MGLL: variants seen among roughly 807,000 people sequenced by gnomAD.
MGLL encodes the protein lysophospholipase homolog.
In MGLL, 7 loss-of-function variants were observed where a neutral mutation model predicts 29.1. That is an observed-to-expected ratio of 0.24 (90% CI 0.14 to 0.45). The LOEUF is 0.45. Ranked by LOEUF, MGLL falls within the 20% of genes least tolerant of loss-of-function variation. MGLL has a pLI of 0.99. For missense variants in MGLL, 356 were observed against 413.6 expected, an observed-to-expected ratio of 0.86 and a Z score of 1.21; for synonymous variants, 148 against 168.3, an observed-to-expected ratio of 0.88 and a Z score of 0.93.
Position 127,763,034 on chromosome 3 carries a change from G to A in MGLL, c.262+18755C>T, listed in dbSNP as rs545766449. Among the ~76,000 whole-genome samples, 5 of 152,278 alleles carry A rather than the reference G, an allele frequency of 3.3e-5. No homozygotes were observed. The East Asian group carries it at 9.6e-4, about 29-fold the overall frequency. On this transcript the variant is annotated intron_variant, in intron 3 of 7. Coordinates refer to ENST00000265052, the MANE Select transcript of MGLL (RefSeq NM_007283.7). ...CTTCATGTGTGCTGGATCACAGTGT[G>A]TCACTCTGATTGGGGAAAGATGTGT...
At chr3:127,709,354 C>T (rs2075664869) in intron 6 of MGLL, among the ~76,000 whole-genome samples, 1 of 152,166 alleles carries the variant, frequency 6.6e-6, no homozygotes. Flanking sequence ...CCCTCTGGCT[C>T]CACACAGGCC....
chr3:127,798,433 T>C (rs1227894332), intron 2 of MGLL, among the ~76,000 whole-genome samples: 1 of 152,182 alleles, frequency 6.6e-6, no homozygotes, highest in Non-Finnish European at 1.5e-5. Flanking sequence ...CCCAGGGCCC[T>C]GTTCTTGCCT....
rs201794814 is a variant in MGLL at position 127,781,859 on chromosome 3, G to A, written c.192C>T (p.His64=). 398 of 1,614,114 alleles carry A rather than the reference G, an allele frequency of 2.5e-4. 2 individuals carry two copies. In the African/African-American group the frequency reaches 5.0e-3, roughly 20 times the overall value. The stretch of plus-strand genomic sequence containing the variant: ...GAGCCAGCTCTTCATAGCGGCCACT[G>A]TGCTCTCCGGCTCCATGGGACACAA... The part of the protein sequence containing the change: ...LIFVSHGAGE[H]SGRYEELARM... The change falls in exon 3 of 8, where the codon CAC becomes CAT. Residue 64 remains histidine, a synonymous_variant. Transcript: ENST00000265052.
At chr3:127,752,799 C>T (rs909300854) in intron 3 of MGLL, among the ~76,000 whole-genome samples, 5 of 152,184 alleles carry the variant, frequency 3.3e-5, no homozygotes, top group Admixed American at 6.5e-5. Context: ...CCTCCCACCG[C>T]TCTCAGGCTG....
At chr3:127,728,174 C>A (rs1047681278) in intron 3 of MGLL, among the ~76,000 whole-genome samples, 1 of 152,136 alleles carries the variant, frequency 6.6e-6, no homozygotes, top group African/African-American at 2.4e-5. Flanking sequence ...TTAAAAAATT[C>A]ATCCAGTGAA....
At chr3:127,726,119 GGAAAGAAAGAAAGAAAGAAAGAAA>G (rs869029966) in intron 3 of MGLL, among the ~76,000 whole-genome samples, 4 of 75,064 alleles carry the variant, frequency 5.3e-5, no homozygotes, top group East Asian at 3.7e-4. Flanking sequence ...AAAGAAAGCA[GGAAAGAAAGAAAGAAAGAAAGAAA>G]GAAAGAAAGA....
intron 2 of MGLL, among the ~76,000 whole-genome samples, chr3:127,793,989 T>A (rs758293368): frequency 3.3e-5 from 5 of 152,240 alleles, no homozygotes; most frequent in Non-Finnish European, 1.5e-5. Flanking sequence ...CTATCTTCTA[T>A]GAAGTCCGGC....
intron 4 of MGLL, among the ~76,000 whole-genome samples, chr3:127,722,185 C>T (rs760003781): frequency 2.0e-5 from 3 of 152,186 alleles, no homozygotes; most frequent in Non-Finnish European, 4.4e-5. Flanking sequence ...GGCCAAAGAA[C>T]GTTGAGAAAA....
At chr3:127,700,086 T>C (rs906183757) in intron 6 of MGLL, among the ~76,000 whole-genome samples, 2 of 152,176 alleles carry the variant, frequency 1.3e-5, no homozygotes, top group Non-Finnish European at 2.9e-5. Context: ...CTTCCTCCAT[T>C]GTTTAGATCT....
intron 3 of MGLL, among the ~76,000 whole-genome samples, chr3:127,757,804 G>T (rs1236288276): frequency 3.9e-5 from 6 of 152,178 alleles, no homozygotes; most frequent in Admixed American, 3.9e-4. Context: ...TGACCCAGAT[G>T]TGTTCAGCCA....
intron 3 of MGLL, among the ~76,000 whole-genome samples, chr3:127,774,749 T>A (rs1375916366): frequency 6.6e-6 from 1 of 152,158 alleles, no homozygotes; most frequent in African/African-American, 2.4e-5. Context: ...CAGGGGCTGT[T>A]AGAAATGCAC....
rs1222630213 is a variant in MGLL at position 127,689,871 on chromosome 3, T to G, written c.*2327A>C. 1.3e-5 allele frequency: 2 copies of G among 152,248 alleles called. No homozygotes were observed. Among genetic ancestry groups the G allele is most frequent in the Non-Finnish European group, 2.9e-5 (2 of 68,050 alleles). 9.4% of individuals were successfully genotyped at this position (152,248 alleles called of 1,614,324 possible). A position where few individuals can be genotyped will look rare whatever the true frequency, so the allele number is the denominator to read the frequency against. On this transcript the variant is annotated 3_prime_UTR_variant, in exon 8 of 8. Transcript: ENST00000265052. The stretch of plus-strand genomic sequence containing the variant: ...ACATGGTGGGCGGATGTACCAGCCC[T>G]TCTGGATAACATGACAGTCCCAATT...
At chr3:127,726,119 GGAAAGAAAGAAAGAAAGAAAGAAAGAAA>G (rs869029966) in intron 3 of MGLL, among the ~76,000 whole-genome samples, 1 of 75,064 alleles carries the variant, frequency 1.3e-5, no homozygotes, top group African/African-American at 5.1e-5. Context: ...AAAGAAAGCA[GGAAAGAAAGAAAGAAAGAAAGAAAGAAA>G]GAAAGAAAGA....
Position 127,815,217 on chromosome 3 carries a change from T to C in MGLL, c.155+6477A>G, listed in dbSNP as rs2077733080. ...CCTTCTCCTCACTCCCCTCCTGGCT[T>C]ATCCCATGGCTGTGTCAACAAATGA... On this transcript the variant is annotated intron_variant, in intron 2 of 7. Coordinates refer to ENST00000265052, the MANE Select transcript of MGLL (RefSeq NM_007283.7). Among the ~76,000 whole-genome samples the C allele has an allele frequency of 3.3e-5, 5 of 152,232 alleles. No homozygotes were observed. The South Asian group carries it at 1.0e-3, about 31-fold the overall frequency.
chr3:127,788,643 G>A (rs745563868), intron 2 of MGLL, among the ~76,000 whole-genome samples: 5 of 152,166 alleles, frequency 3.3e-5, no homozygotes, highest in African/African-American at 4.8e-5. Flanking sequence ...TGATTGGGCA[G>A]AGGCCTGCTC....
At position 127,695,084 on chromosome 3, in the gene MGLL, T is replaced by G; in HGVS notation, c.707A>C (p.Lys236Thr). ...AVSRVERALP[K>T]LTVPFLLLQG... is the part of the protein sequence containing the mutation. ...GAGCAGCAGGAAGGGCACAGTCAGC[T>G]TGGGGAGGGCGCGCTCCACCCGTGA... Residue 236 changes from lysine to threonine, a missense_variant, in exon 7 of 8, where the codon AAG becomes ACG. By Grantham distance (78) the Lys-to-Thr change is moderately conservative (BLOSUM62 -1). Coordinates refer to ENST00000265052, the MANE Select transcript of MGLL (RefSeq NM_007283.7). 1.2e-6 allele frequency: 2 copies of G among 1,614,172 alleles called. No individual in the cohort carries two copies. The highest frequency in any genetic ancestry group is 2.2e-5 in the East Asian group (1 of 44,876).
intron 2 of MGLL, among the ~76,000 whole-genome samples, chr3:127,812,201 A>C (rs2077674655): frequency 6.6e-6 from 1 of 152,244 alleles, no homozygotes; most frequent in Non-Finnish European, 1.5e-5. Flanking sequence ...ACTTCCAGCT[A>C]TAATAGCTAA....
At position 127,692,115 on chromosome 3, in the gene MGLL, TGGCAA is replaced by T; in HGVS notation, c.*78_*82del. ...TCTGATTTTTTTTTTTTTTTTTTTT[TGGCAA>T]GCCATATCTGAGAAGCCATCTCTGC... On this transcript the variant is annotated 3_prime_UTR_variant, in exon 8 of 8. Transcript: ENST00000265052. 2 of 492,142 alleles carry T rather than the reference TGGCAA, an allele frequency of 4.1e-6. No individual in the cohort carries two copies. Among genetic ancestry groups the T allele is most frequent in the South Asian group, 2.3e-5 (1 of 42,598 alleles). The allele number at this position is 492,142 out of a possible 1,614,324, so 30.5% of individuals were successfully genotyped here.
intron 2 of MGLL, among the ~76,000 whole-genome samples, chr3:127,801,161 G>A (rs2077472008): frequency 6.6e-6 from 1 of 151,618 alleles, no homozygotes. Flanking sequence ...AACTAGCCAG[G>A]CCTGATGGCA....
Sources: gnomAD v4.1 joint callset for allele counts (sites outside exome capture counted in the v4.1 genomes callset) on GRCh38, gnomAD v4.1.1 for gene constraint, MANE v1.5 for transcripts, NCBI Gene and HGNC (gene_info 2026-07-23, HGNC 2026-07-21) for gene names.